Variants in ARK2C observed in about 807,000 individuals in gnomAD.
The protein encoded by ARK2C is arkadia (RNF111) C-terminal like ring finger ubiquitin ligase 2C.
At chr18:46,337,439 G>A in the ARK2C span, 2 of 985,284 alleles carry the variant, frequency 2.0e-6, no homozygotes, top group South Asian at 4.7e-5. Context: ...AATGTACAGC[G>A]CTCGGTTAGA....
chr18:46,344,910 C>T, the ARK2C span, among the ~76,000 whole-genome samples: 3 of 152,332 alleles, frequency 2.0e-5, no homozygotes, highest in Admixed American at 2.0e-4. Context: ...ATCTTGGACA[C>T]CAGGGTGGTG....
the ARK2C span, among the ~76,000 whole-genome samples, chr18:46,372,856 T>A: frequency 1.3e-5 from 2 of 152,348 alleles, no homozygotes; most frequent in Admixed American, 6.5e-5. Flanking sequence ...CTGTGTAGTG[T>A]CCAGGAAGCC....
At chr18:46,428,037 C>T in the ARK2C span, among the ~76,000 whole-genome samples, 2 of 152,172 alleles carry the variant, frequency 1.3e-5, no homozygotes, top group African/African-American at 2.4e-5. Context: ...GCTGAAGGCT[C>T]CTTGGTAGAC....
the ARK2C span, among the ~76,000 whole-genome samples, chr18:46,437,146 C>G: frequency 6.6e-6 from 1 of 152,212 alleles, no homozygotes; most frequent in Non-Finnish European, 1.5e-5. Context: ...GGTCCCTGCC[C>G]TAGCAGGGGA....
chr18:46,380,000 A>G, the ARK2C span, among the ~76,000 whole-genome samples: 3 of 152,222 alleles, frequency 2.0e-5, no homozygotes, highest in Non-Finnish European at 4.4e-5. Flanking sequence ...CCAAAGGCAG[A>G]GGCCACCCCA....
chr18:46,397,666 T>TTG, the ARK2C span, among the ~76,000 whole-genome samples: 221 of 59,406 alleles, frequency 3.7e-3, 3 homozygotes, highest in African/African-American at 1.0e-2. Flanking sequence ...TGGGGCAGAA[T>TTG]TGTGTGTGTG....
the ARK2C span, among the ~76,000 whole-genome samples, chr18:46,365,959 A>G: frequency 2.0e-5 from 3 of 152,190 alleles, no homozygotes; most frequent in South Asian, 6.2e-4. Flanking sequence ...CATCTTGTGA[A>G]CAGACAATGG....
the ARK2C span, among the ~76,000 whole-genome samples, chr18:46,403,751 A>ACT: frequency 2.0e-5 from 3 of 152,132 alleles, no homozygotes; most frequent in Non-Finnish European, 4.4e-5. Context: ...GGTGGCGGTC[A>ACT]CTTGTAATCC....
chr18:46,341,959 G>A, the ARK2C span, among the ~76,000 whole-genome samples: 4 of 152,288 alleles, frequency 2.6e-5, no homozygotes, highest in East Asian at 3.9e-4. Flanking sequence ...GGAACGGGAG[G>A]GAGCCCGACC....
chr18:46,343,220 C>T, the ARK2C span, among the ~76,000 whole-genome samples: 3 of 152,314 alleles, frequency 2.0e-5, no homozygotes, highest in East Asian at 5.8e-4. Flanking sequence ...CCACCAGCAG[C>T]CCCTTCCATC....
At chr18:46,338,659 AT>A in the ARK2C span, among the ~76,000 whole-genome samples, 1 of 151,762 alleles carries the variant, frequency 6.6e-6, no homozygotes, top group African/African-American at 2.4e-5. Context: ...GTGGAGAGGT[AT>A]TTTTTTTCCC....
the ARK2C span, among the ~76,000 whole-genome samples, chr18:46,374,770 G>C: frequency 7.9e-5 from 12 of 152,280 alleles, no homozygotes; most frequent in Middle Eastern, 3.4e-3. Flanking sequence ...GGCTGAACTG[G>C]GGGGGCTAGA....
At chr18:46,406,445 C>A in the ARK2C span, among the ~76,000 whole-genome samples, 1 of 152,222 alleles carries the variant, frequency 6.6e-6, no homozygotes, top group Non-Finnish European at 1.5e-5. Context: ...CTTCTTAATC[C>A]CAGGCTTCCA....
the ARK2C span, among the ~76,000 whole-genome samples, chr18:46,405,066 G>T: frequency 6.6e-6 from 1 of 151,940 alleles, no homozygotes; most frequent in Non-Finnish European, 1.5e-5. Flanking sequence ...TTTTGGTAAG[G>T]CTCATCATAG....
the ARK2C span, among the ~76,000 whole-genome samples, chr18:46,359,978 TC>T: frequency 6.6e-6 from 1 of 152,184 alleles, no homozygotes; most frequent in South Asian, 2.1e-4. Flanking sequence ...ATTCCAGATA[TC>T]CATGTGTCAG....
the ARK2C span, among the ~76,000 whole-genome samples, chr18:46,382,680 C>A: frequency 6.6e-6 from 1 of 152,172 alleles, no homozygotes; most frequent in African/African-American, 2.4e-5. Context: ...CACCACAGCC[C>A]CGTGAAGTTA....
chr18:46,363,107 T>G, the ARK2C span, among the ~76,000 whole-genome samples: 2 of 151,962 alleles, frequency 1.3e-5, no homozygotes, highest in Non-Finnish European at 2.9e-5. Context: ...GGCCCAGTGC[T>G]GAACATAATA....
the ARK2C span, among the ~76,000 whole-genome samples, chr18:46,441,409 A>C: frequency 1.3e-5 from 2 of 152,150 alleles, no homozygotes; most frequent in Admixed American, 1.3e-4. Flanking sequence ...TCTTTCAATA[A>C]ATTTTCTCAT....
chr18:46,341,217 C>T, the ARK2C span, among the ~76,000 whole-genome samples: 1 of 150,442 alleles, frequency 6.6e-6, no homozygotes, highest in Admixed American at 6.7e-5. Flanking sequence ...AGAGTTTGGA[C>T]TGGCTTCTTT....
Sources: allele counts gnomAD v4.1 joint callset (sites outside exome capture counted in the v4.1 genomes callset), GRCh38; gene constraint gnomAD v4.1.1; transcripts MANE v1.5; gene names NCBI Gene and HGNC (gene_info 2026-07-23, HGNC 2026-07-21).